CTPS2: variants seen among roughly 807,000 people sequenced by gnomAD.
CTPS2 encodes CTP synthase 2, also known as CTP synthase II.
Under a neutral mutation model 46.8 loss-of-function variants are expected in CTPS2, and 19 were observed. The ratio of observed to expected loss-of-function variants is 0.41; its 90% CI spans 0.28 to 0.60. The LOEUF (loss-of-function observed/expected upper bound fraction) is 0.60, where lower values mean the gene tolerates loss of function less well. Ranked by LOEUF, CTPS2 falls within the 20% of genes least tolerant of loss-of-function variation. CTPS2 has a pLI of 0.35. For synonymous variants in CTPS2, 151 were observed against 165.2 expected (o/e 0.91, Z 0.66); for missense variants, 286 against 447.6 (o/e 0.64, Z 3.26).
chrX:16,603,990 C>T (rs894098184), intron 17 of CTPS2, among the ~76,000 whole-genome samples: 2 of 111,204 alleles, frequency 1.8e-5, no homozygotes, highest in South Asian at 3.9e-4. Context: ...AAAGAGGAAA[C>T]GGAAGGAACT....
chrX:16,658,036 T>A (rs1015364723), intron 13 of CTPS2, among the ~76,000 whole-genome samples: 1 of 110,354 alleles, frequency 9.1e-6, no homozygotes, highest in African/African-American at 3.3e-5. Flanking sequence ...TGAAACCCTG[T>A]CTCTACAAAA....
intron 2 of CTPS2, among the ~76,000 whole-genome samples, chrX:16,701,595 G>T (rs1433394174): frequency 9.3e-6 from 1 of 107,137 alleles, no homozygotes; most frequent in Non-Finnish European, 1.9e-5. Flanking sequence ...TAGCAACAAG[G>T]GACACAAACA....
At chrX:16,623,740 T>A (rs2147210032) in intron 14 of CTPS2, among the ~76,000 whole-genome samples, 1 of 107,084 alleles carries the variant, frequency 9.3e-6, no homozygotes, top group African/African-American at 3.4e-5. Flanking sequence ...ATCTCTTTGA[T>A]ATACTGACTT....
chrX:16,595,708 G>A lies in CTPS2; in HGVS notation c.1692-4846C>T, dbSNP rs777895232. On this transcript the variant is annotated intron_variant, in intron 17 of 18. Coordinates refer to ENST00000359276, the MANE Select transcript of CTPS2 (RefSeq NM_175859.3). The stretch of plus-strand genomic sequence containing the variant: ...GCACCTGTCACACTTCAAGTGCTCA[G>A]TAGCCATGTGCGCCTAGTGCCTACC... Among the ~76,000 whole-genome samples, 4 of 112,223 alleles carry A rather than the reference G, an allele frequency of 3.6e-5. No individual in the cohort carries two copies. In the South Asian group the frequency reaches 1.5e-3, roughly 42 times the overall value.
chrX:16,710,164 A>T (rs766543520), intron 1 of CTPS2, among the ~76,000 whole-genome samples: 15 of 111,639 alleles, frequency 1.3e-4, no homozygotes, highest in African/African-American at 4.6e-4. Context: ...GCCATAAAGA[A>T]ATTAAGACCC....
At chrX:16,626,285 G>A (rs1414501959) in intron 14 of CTPS2, among the ~76,000 whole-genome samples, 1 of 111,315 alleles carries the variant, frequency 9.0e-6, no homozygotes, top group Non-Finnish European at 1.9e-5. Flanking sequence ...AGGAGGCTGA[G>A]GCAGGAGAAT....
chrX:16,627,742 T>A (rs113923751), intron 14 of CTPS2, among the ~76,000 whole-genome samples: 1,448 of 111,448 alleles, frequency 0.013, 20 homozygotes, highest in African/African-American at 0.044. Context: ...AAACCCGCGG[T>A]TTCAGACTGG....
At chrX:16,643,395 CG>C (rs1238943493) in intron 13 of CTPS2, among the ~76,000 whole-genome samples, 9 of 110,919 alleles carry the variant, frequency 8.1e-5, no homozygotes, top group African/African-American at 3.0e-4. Flanking sequence ...TTTGTAGCAT[CG>C]GGGTTTCATC....
chrX:16,642,572 G>A (rs1932132114), intron 13 of CTPS2, among the ~76,000 whole-genome samples: 1 of 111,493 alleles, frequency 9.0e-6, no homozygotes, highest in Non-Finnish European at 1.9e-5. Flanking sequence ...GAAGGTCAGG[G>A]CAAGGCAGAG....
At chrX:16,669,244 C>A (rs890929754) in intron 11 of CTPS2, among the ~76,000 whole-genome samples, 1 of 111,517 alleles carries the variant, frequency 9.0e-6, no homozygotes, top group African/African-American at 3.3e-5. Flanking sequence ...CTCCCAGACC[C>A]AGCTCCGCCT....
At chrX:16,615,430 G>A (rs1031964521) in intron 16 of CTPS2, among the ~76,000 whole-genome samples, 1 of 111,979 alleles carries the variant, frequency 8.9e-6, no homozygotes, top group Non-Finnish European at 1.9e-5. Flanking sequence ...CCCTAAAGTA[G>A]TTTGAACTGA....
chrX:16,680,563 A>G (rs751249097), intron 9 of CTPS2, among the ~76,000 whole-genome samples: 1 of 110,326 alleles, frequency 9.1e-6, no homozygotes, highest in Admixed American at 9.7e-5. Context: ...TCAAAAAAAA[A>G]AAAAAGAAAA....
intron 13 of CTPS2, among the ~76,000 whole-genome samples, chrX:16,645,830 G>C (rs73448302): frequency 0.021 from 2,335 of 112,283 alleles, 71 homozygotes; most frequent in African/African-American, 0.072. Context: ...GAATGGGTTA[G>C]TTATCATGGG....
At position 16,686,418 on chromosome X, in the gene CTPS2, C is replaced by A. The variant is rs1292802975; in HGVS notation, c.872+3032G>T. 2.7e-5 allele frequency among the ~76,000 whole-genome samples: 3 copies of A among 111,440 alleles called. No homozygotes were observed. In the Admixed American group the frequency reaches 2.9e-4, roughly 11 times the overall value. On this transcript the variant is annotated intron_variant, in intron 8 of 18. Coordinates refer to ENST00000359276, the MANE Select transcript of CTPS2 (RefSeq NM_175859.3). ...TGTAGTGAGTTGAATGGTGGCCCCCCCCCAAAGAAATTTGTCCCCAAAACC... is the reference window on the plus strand; with the variant it reads ...TGTAGTGAGTTGAATGGTGGCCCCCACCCAAAGAAATTTGTCCCCAAAACC...
chrX:16,656,570 C>T lies in CTPS2; in HGVS notation c.1296+10944G>A, dbSNP rs1602211344. 4.5e-5 allele frequency among the ~76,000 whole-genome samples: 5 copies of T among 111,173 alleles called. No individual in the cohort carries two copies. The South Asian group carries it at 1.1e-3, about 25-fold the overall frequency. On this transcript the variant is annotated intron_variant, in intron 13 of 18. Coordinates refer to ENST00000359276, the MANE Select transcript of CTPS2 (RefSeq NM_175859.3). ...GACTACAGGTGCCCGCCACCACGCC[C>T]GGCTAATTTTTCTTTTTGTGTTTTT... is the stretch of plus-strand genomic sequence containing the variant.
chrX:16,654,067 C>T (rs1221770997), intron 13 of CTPS2, among the ~76,000 whole-genome samples: 1 of 112,055 alleles, frequency 8.9e-6, no homozygotes, highest in African/African-American at 3.2e-5. Flanking sequence ...CGTGGGCAAT[C>T]CAGTGAAGCC....
chrX:16,709,564 C>T (rs1323819310), intron 1 of CTPS2, among the ~76,000 whole-genome samples: 1 of 108,395 alleles, frequency 9.2e-6, no homozygotes, highest in Non-Finnish European at 1.9e-5. Context: ...AGATTTCCAT[C>T]TTATGGCCGG....
At chrX:16,615,267 A>G (rs1930471462) in intron 16 of CTPS2, among the ~76,000 whole-genome samples, 1 of 111,315 alleles carries the variant, frequency 9.0e-6, no homozygotes, top group Non-Finnish European at 1.9e-5. Flanking sequence ...TGTGCCCAAG[A>G]GGTCAAGGCT....
chrX:16,669,495 G>T (rs1286819139), intron 11 of CTPS2, among the ~76,000 whole-genome samples: 1 of 109,611 alleles, frequency 9.1e-6, no homozygotes, highest in African/African-American at 3.3e-5. Flanking sequence ...TATGCTAGAG[G>T]GAAAGCTAAA....
Sources: gnomAD v4.1 joint callset for allele counts (sites outside exome capture counted in the v4.1 genomes callset) on GRCh38, gnomAD v4.1.1 for gene constraint, MANE v1.5 for transcripts, NCBI Gene and HGNC (gene_info 2026-07-23, HGNC 2026-07-21) for gene names.